HCN1: variants seen among roughly 807,000 people sequenced by gnomAD.
HCN1 encodes hyperpolarization activated cyclic nucleotide gated potassium channel 1, also known as potassium/sodium hyperpolarization-activated cyclic nucleotide-gated channel 1.
In HCN1, 13 loss-of-function variants were observed where a neutral mutation model predicts 78.9. That is an observed-to-expected ratio of 0.16 (90% CI 0.11 to 0.26). HCN1 has a LOEUF of 0.26. Among genes scored for constraint, HCN1 ranks in the 10% least tolerant of loss-of-function variants. HCN1 has a pLI of 1.00. For missense variants in HCN1, 810 were observed against 1,154.3 expected, an observed-to-expected ratio of 0.70 and a Z score of 4.32; for synonymous variants, 552 against 455.5, an observed-to-expected ratio of 1.21 and a Z score of -2.70.
rs182505277 is a variant in HCN1 at position 45,642,179 on chromosome 5, T to C, written c.849+3006A>G. The C allele has an allele frequency of 1.7e-3, 259 of 152,310 alleles. 1 individual carries two copies. Among genetic ancestry groups the C allele is most frequent in the African/African-American group, 6.0e-3 (250 of 41,578 alleles). The allele number at this position is 152,310 out of a possible 1,614,324, so 9.4% of individuals were successfully genotyped here. A position where few individuals can be genotyped will look rare whatever the true frequency, so the allele number is the denominator to read the frequency against. ...TGGCAATATATATAAAGTTTCAGTG[T>C]AATGTCACAGAAAGCTATTTTTACA... On this transcript the variant is annotated intron_variant, in intron 2 of 7. Coordinates refer to ENST00000303230, the MANE Select transcript of HCN1 (RefSeq NM_021072.4).
rs552207603 is a variant in HCN1, at chr5:45,508,034, T to C, written c.850-46027A>G. Reference sequence around the variant, plus strand: ...GATTATCATATATATACACAAATATTGTCTACAAAAAGGCAACTTACCATA... The same window carrying C: ...GATTATCATATATATACACAAATATCGTCTACAAAAAGGCAACTTACCATA... On this transcript the variant is annotated intron_variant, in intron 2 of 7. Transcript: ENST00000303230. 1.3e-4 allele frequency among the ~76,000 whole-genome samples: 20 copies of C among 152,188 alleles called. 1 individual carries two copies. Among genetic ancestry groups the C allele is most frequent in the African/African-American group, 4.8e-4 (20 of 41,558 alleles).
At chr5:45,529,134 A>G (rs1300554702) in intron 2 of HCN1, among the ~76,000 whole-genome samples, 1 of 151,994 alleles carries the variant, frequency 6.6e-6, no homozygotes, top group East Asian at 1.9e-4. Context: ...AAAGAAGAAA[A>G]AGAAGTTCAC....
chr5:45,404,701 A>G (rs1200494514), intron 3 of HCN1, among the ~76,000 whole-genome samples: 1 of 125,296 alleles, frequency 8.0e-6, no homozygotes, highest in Non-Finnish European at 1.7e-5. Flanking sequence ...TGCAAAAAAA[A>G]AAAAAAAAAA....
At position 45,598,078 on chromosome 5, in the gene HCN1, A is replaced by G. The variant is rs181817020; in HGVS notation, c.849+47107T>C. On this transcript the variant is annotated intron_variant, in intron 2 of 7. Coordinates refer to ENST00000303230, the MANE Select transcript of HCN1 (RefSeq NM_021072.4). ...GGAAAAAAACTACTTTAAAGCTCAT[A>G]TGGAACCAAAAAAGAGCCTGCATTG... Among the ~76,000 whole-genome samples, 1,101 of 152,276 alleles carry G rather than the reference A, an allele frequency of 7.2e-3. 10 individuals are homozygous for G. The highest frequency in any genetic ancestry group is 0.025 in the African/African-American group (1,054 of 41,554).
chr5:45,447,497 C>A (rs995630476), intron 3 of HCN1, among the ~76,000 whole-genome samples: 6 of 152,198 alleles, frequency 3.9e-5, no homozygotes, highest in African/African-American at 9.7e-5. Context: ...CCTGTCTTGG[C>A]CTATCAAAGT....
Position 45,528,507 on chromosome 5 carries a change from T to C in HCN1, c.850-66500A>G, listed in dbSNP as rs1477492737. ...ATTTTTCATTTTGATTTTTGGTTATTTGAAAAAGCTTAAGAGGAGGGAAAA... is the reference window on the plus strand; with the variant it reads ...ATTTTTCATTTTGATTTTTGGTTATCTGAAAAAGCTTAAGAGGAGGGAAAA... On this transcript the variant is annotated intron_variant, in intron 2 of 7. Coordinates refer to ENST00000303230, the MANE Select transcript of HCN1 (RefSeq NM_021072.4). Among the ~76,000 whole-genome samples the C allele has an allele frequency of 2.6e-5, 4 of 151,942 alleles. No individual in the cohort carries two copies. The East Asian group carries it at 7.7e-4, about 29-fold the overall frequency.
chr5:45,384,731 G>A (rs1272340429), intron 4 of HCN1, among the ~76,000 whole-genome samples: 2 of 152,156 alleles, frequency 1.3e-5, no homozygotes, highest in African/African-American at 4.8e-5. Context: ...TGCAAAGGCT[G>A]ATCTGCAAAG....
chr5:45,342,214 G>T, intron 5 of HCN1, among the ~76,000 whole-genome samples: 1 of 151,128 alleles, frequency 6.6e-6, no homozygotes. Context: ...TGATCTTTTT[G>T]AAATCTTTTC....
chr5:45,341,831 G>A (rs1177902828), intron 5 of HCN1, among the ~76,000 whole-genome samples: 1 of 152,136 alleles, frequency 6.6e-6, no homozygotes, highest in Non-Finnish European at 1.5e-5. Flanking sequence ...AACACCCAGG[G>A]AAGCTTCAGC....
intron 4 of HCN1, among the ~76,000 whole-genome samples, chr5:45,374,239 T>C (rs1310235683): frequency 8.3e-6 from 1 of 120,052 alleles, no homozygotes; most frequent in African/African-American, 2.9e-5. Context: ...ACATAACATA[T>C]ATATTATGTA....
chr5:45,378,019 C>T (rs764592049), intron 4 of HCN1, among the ~76,000 whole-genome samples: 1 of 151,724 alleles, frequency 6.6e-6, no homozygotes, highest in African/African-American at 2.4e-5. Context: ...ATTTAAAGTG[C>T]CTTTTGGGTG....
At chr5:45,566,505 A>T (rs1382585520) in intron 2 of HCN1, among the ~76,000 whole-genome samples, 2 of 152,164 alleles carry the variant, frequency 1.3e-5, no homozygotes, top group African/African-American at 4.8e-5. Context: ...TTAATGCCTC[A>T]TATCAAAGGG....
intron 5 of HCN1, among the ~76,000 whole-genome samples, chr5:45,333,330 G>A (rs1393388551): frequency 3.3e-5 from 5 of 151,178 alleles, no homozygotes; most frequent in African/African-American, 1.2e-4. Context: ...TTTTTTATTT[G>A]GATTATTAGA....
At chr5:45,515,894 T>G (rs1054627412) in intron 2 of HCN1, among the ~76,000 whole-genome samples, 2 of 151,934 alleles carry the variant, frequency 1.3e-5, no homozygotes, top group African/African-American at 4.8e-5. Context: ...AAATGCTGTA[T>G]TAAATCTACC....
At chr5:45,692,285 TA>T (rs1019281171) in intron 1 of HCN1, among the ~76,000 whole-genome samples, 1 of 152,340 alleles carries the variant, frequency 6.6e-6, no homozygotes, top group Non-Finnish European at 1.5e-5. Flanking sequence ...TAAACCTTAG[TA>T]AAATTCTAGC....
rs982658944 is a variant in HCN1 at position 45,376,434 on chromosome 5, C to T, written c.1230+20058G>A. Among the ~76,000 whole-genome samples the T allele has an allele frequency of 4.7e-5, 7 of 147,712 alleles. No individual in the cohort carries two copies. In the South Asian group the frequency reaches 1.5e-3, roughly 31 times the overall value. On this transcript the variant is annotated intron_variant, in intron 4 of 7. Coordinates refer to ENST00000303230, the MANE Select transcript of HCN1 (RefSeq NM_021072.4). ...GATGCTACTAGAAGATGGCCTTTAA[C>T]GACCAGGAAGTTGCCCTCATCAGAC...
intron 1 of HCN1, among the ~76,000 whole-genome samples, chr5:45,693,319 C>CTATTAAGACTGGAGACTTTTTTCATGTA (rs1329457883): frequency 2.2e-4 from 33 of 151,852 alleles, no homozygotes; most frequent in African/African-American, 7.8e-4. Context: ...ATTATTTTTG[C>CTATTAAGACTGGAGACTTTTTTCATGTA]AGTTTGTTTT....
In HCN1 at chr5:45,550,489, C is replaced by A. The variant is rs1331529925; in HGVS notation, c.850-88482G>T. On this transcript the variant is annotated intron_variant, in intron 2 of 7. Coordinates refer to ENST00000303230, the MANE Select transcript of HCN1 (RefSeq NM_021072.4). ...GGAAGGGGAACATCACACACCGGTG[C>A]CTATTGTGGGGTTGGGGCACGGGGG... 3.9e-5 allele frequency among the ~76,000 whole-genome samples: 6 copies of A among 152,062 alleles called. No homozygotes were observed. The East Asian group carries it at 1.2e-3, about 29-fold the overall frequency.
At chr5:45,542,442 A>G (rs1209050607) in intron 2 of HCN1, among the ~76,000 whole-genome samples, 2 of 151,996 alleles carry the variant, frequency 1.3e-5, no homozygotes, top group Non-Finnish European at 2.9e-5. Context: ...TTCTTCTTAC[A>G]TATCTGTTAA....
Sources: gnomAD v4.1 joint callset for allele counts (sites outside exome capture counted in the v4.1 genomes callset) on GRCh38, gnomAD v4.1.1 for gene constraint, MANE v1.5 for transcripts, NCBI Gene and HGNC (gene_info 2026-07-23, HGNC 2026-07-21) for gene names.